Variants in GABRA2 observed in about 807,000 individuals in gnomAD.
GABRA2 encodes gamma-aminobutyric acid receptor subunit alpha-2.
A neutral mutation model predicts 48.7 loss-of-function variants in GABRA2; 16 were observed. The ratio of observed to expected loss-of-function variants is 0.33; its 90% CI spans 0.22 to 0.50. GABRA2 has a LOEUF of 0.50. GABRA2 is among the 20% of genes least tolerant of loss of function. GABRA2 has a pLI of 0.98. For missense variants in GABRA2, 275 were observed against 535.6 expected, an observed-to-expected ratio of 0.51 and a Z score of 4.80; for synonymous variants, 185 against 184.5, an observed-to-expected ratio of 1.00 and a Z score of -0.02.
intron 3 of GABRA2, among the ~76,000 whole-genome samples, chr4:46,374,488 C>A (rs773479908): frequency 6.6e-6 from 1 of 152,084 alleles, no homozygotes; most frequent in Non-Finnish European, 1.5e-5. Flanking sequence ...TTTTGTAATA[C>A]TACTTGGAGA....
chr4:46,335,059 T>A (rs939446058), intron 3 of GABRA2, among the ~76,000 whole-genome samples: 1 of 152,124 alleles, frequency 6.6e-6, no homozygotes, highest in Admixed American at 6.6e-5. Context: ...ATTTGATACA[T>A]CTAACACAAT....
At position 46,328,784 on chromosome 4, in the gene GABRA2, C is replaced by G. The variant is rs1397581352; in HGVS notation, c.255+3831G>C. Among the ~76,000 whole-genome samples the G allele has an allele frequency of 5.9e-5, 9 of 152,036 alleles. No homozygotes were observed. The East Asian group carries it at 1.7e-3, about 29-fold the overall frequency. On this transcript the variant is annotated intron_variant, in intron 4 of 9. Transcript: ENST00000381620. ...TTCTTTTTATTTAGAGTGTCACAGC[C>G]ACGTCTCATTGCTCAACCTATTGCT...
At chr4:46,276,737 A>G (rs1336179119) in intron 8 of GABRA2, among the ~76,000 whole-genome samples, 2 of 152,096 alleles carry the variant, frequency 1.3e-5, no homozygotes, top group African/African-American at 4.8e-5. Context: ...GTAGGATTTT[A>G]ACACCTGTGT....
rs952937775 is a variant in GABRA2, at chr4:46,245,257, A to G, written c.*5051T>C. The stretch of plus-strand genomic sequence containing the variant: ...TACTCTGAATCATTCCAATTCAAAA[A>G]GTAAGGTATGAAACAAATCAGTAAT... On this transcript the variant is annotated 3_prime_UTR_variant, in exon 10 of 10. Transcript: ENST00000381620. 8.6e-5 allele frequency among the ~76,000 whole-genome samples: 13 copies of G among 151,300 alleles called. No individual in the cohort carries two copies. The highest frequency in any genetic ancestry group is 1.5e-4 in the Non-Finnish European group (10 of 67,480).
intron 8 of GABRA2, among the ~76,000 whole-genome samples, chr4:46,289,380 G>C (rs963439594): frequency 6.6e-6 from 1 of 152,204 alleles, no homozygotes. Flanking sequence ...AAAAAAGAAT[G>C]AGATCACGTC....
Position 46,386,197 on chromosome 4 carries a change from G to T in GABRA2, c.72-8C>A, listed in dbSNP as rs1007031191. The T allele has an allele frequency of 7.8e-6, 12 of 1,542,564 alleles. No homozygotes were observed. Among genetic ancestry groups the T allele is most frequent in the Non-Finnish European group, 1.1e-5 (12 of 1,123,318 alleles). The stretch of plus-strand genomic sequence containing the variant: ...ATGTTAGCCAGCACCAACCTAAACA[G>T]ATAATTTTAAAAGCTGATATATATA... On this transcript the variant is annotated splice_polypyrimidine_tract_variant and splice_region_variant and intron_variant, in intron 2 of 9. Transcript: ENST00000381620.
chr4:46,292,165 T>C (rs1265661672), intron 8 of GABRA2, among the ~76,000 whole-genome samples: 1 of 152,158 alleles, frequency 6.6e-6, no homozygotes, highest in Non-Finnish European at 1.5e-5. Context: ...AGAAGTTGGT[T>C]GGCTGCTCCT....
chr4:46,378,027 G>A (rs1265490890), intron 3 of GABRA2, among the ~76,000 whole-genome samples: 2 of 128,360 alleles, frequency 1.6e-5, no homozygotes, highest in Non-Finnish European at 3.4e-5. Context: ...CCGTCCGGGA[G>A]GGAGGTGGGG....
intron 3 of GABRA2, among the ~76,000 whole-genome samples, chr4:46,363,039 A>G (rs952716387): frequency 8.5e-5 from 13 of 152,180 alleles, no homozygotes; most frequent in Non-Finnish European, 1.3e-4. Context: ...CTATGTCAAC[A>G]TCCTTTGAAT....
At chr4:46,323,584 G>T (rs760616415) in intron 4 of GABRA2, among the ~76,000 whole-genome samples, 1 of 151,848 alleles carries the variant, frequency 6.6e-6, no homozygotes, top group Non-Finnish European at 1.5e-5. Context: ...ACTTATTTCA[G>T]TTCCTAACAG....
At chr4:46,342,526 C>T (rs1274511061) in intron 3 of GABRA2, among the ~76,000 whole-genome samples, 1 of 152,016 alleles carries the variant, frequency 6.6e-6, no homozygotes, top group Non-Finnish European at 1.5e-5. Context: ...TGTTATTGCC[C>T]TCACTAACTG....
intron 3 of GABRA2, among the ~76,000 whole-genome samples, chr4:46,362,379 G>A (rs1713347223): frequency 3.3e-5 from 5 of 152,034 alleles, no homozygotes; most frequent in Admixed American, 3.3e-4. Flanking sequence ...TGATTACAAG[G>A]CCTCCCCAGC....
At chr4:46,319,024 T>C (rs1051758923) in intron 4 of GABRA2, among the ~76,000 whole-genome samples, 2 of 151,632 alleles carry the variant, frequency 1.3e-5, no homozygotes, top group Non-Finnish European at 3.0e-5. Context: ...AAGATGCAGT[T>C]TCCAGTCAAA....
intron 3 of GABRA2, among the ~76,000 whole-genome samples, chr4:46,354,930 T>A (rs1735723018): frequency 1.3e-5 from 2 of 150,208 alleles, no homozygotes; most frequent in Admixed American, 6.6e-5. Flanking sequence ...GCTCCACCTG[T>A]GTCTCAGATT....
intron 4 of GABRA2, among the ~76,000 whole-genome samples, chr4:46,320,263 T>C (rs1284086849): frequency 2.6e-5 from 4 of 151,812 alleles, no homozygotes; most frequent in African/African-American, 7.3e-5. Flanking sequence ...TGGACATCTA[T>C]CTTATCCCAT....
chr4:46,352,358 T>C (rs1735272112), intron 3 of GABRA2, among the ~76,000 whole-genome samples: 1 of 152,050 alleles, frequency 6.6e-6, no homozygotes, highest in Middle Eastern at 3.4e-3. Context: ...ACATTCTGCT[T>C]GTATTTGTGA....
chr4:46,388,233 A>AAAAGG (rs1560617762), intron 2 of GABRA2, among the ~76,000 whole-genome samples: 1 of 151,776 alleles, frequency 6.6e-6, no homozygotes, highest in Non-Finnish European at 1.5e-5. Context: ...AAAAGAAAAG[A>AAAAGG]AAAAGGAAAA....
chr4:46,287,686 G>C (rs1319587849), intron 8 of GABRA2, among the ~76,000 whole-genome samples: 1 of 149,954 alleles, frequency 6.7e-6, no homozygotes, highest in African/African-American at 2.5e-5. Context: ...GATAGATGAC[G>C]AGTTAGTGGG....
intron 8 of GABRA2, among the ~76,000 whole-genome samples, chr4:46,285,278 C>T (rs914391292): frequency 2.0e-5 from 3 of 151,874 alleles, no homozygotes; most frequent in Admixed American, 6.6e-5. Flanking sequence ...TTTTTGAATC[C>T]TTAAAGTGAT....
Sources: allele counts gnomAD v4.1 joint callset (sites outside exome capture counted in the v4.1 genomes callset), GRCh38; gene constraint gnomAD v4.1.1; transcripts MANE v1.5; gene names NCBI Gene and HGNC (gene_info 2026-07-23, HGNC 2026-07-21).